The following DYTN variants were observed in gnomAD, a reference collection of about 807,000 sequenced individuals.
DYTN encodes the protein dystrotelin.
In DYTN, 75 loss-of-function variants were observed where a neutral mutation model predicts 69.6. The observed-to-expected ratio is 1.08, with a 90% confidence interval of 0.89 to 1.31. DYTN has a LOEUF of 1.31. DYTN is among the 50% of genes most tolerant of loss of function. The pLI, the probability that DYTN is intolerant of heterozygous loss-of-function variation, is 0.00. For missense variants in DYTN, 726 were observed against 688.4 expected (o/e 1.05, Z -0.61); for synonymous variants, 252 against 249.1 (o/e 1.01, Z -0.11).
At chr2:206,699,669 TC>T in intron 7 of DYTN, 57 bp downstream of exon 7, 1 of 1,536,824 alleles carries the variant, frequency 6.5e-7, no homozygotes, top group Non-Finnish European at 8.7e-7. Flanking sequence ...GGGATGCAGC[TC>T]CAACTGTAGA....
chr2:206,682,457 A>G (rs1264247491), intron 9 of DYTN, among the ~76,000 whole-genome samples: 1 of 151,738 alleles, frequency 6.6e-6, no homozygotes, highest in Non-Finnish European at 1.5e-5. Context: ...AGGATTCCTC[A>G]CTTTCTTGGT....
rs576403875 is a variant in DYTN at position 206,683,040 on chromosome 2, C to T, written c.980+10135G>A. ...GGCTAAAAGATCACATAATCCCCTA[C>T]ACCAGGAAAAAAAGTAAAGCTAGAC... On this transcript the variant is annotated intron_variant, in intron 9 of 11. Transcript: ENST00000452335. Among the ~76,000 whole-genome samples, 171 of 152,162 alleles carry T rather than the reference C, an allele frequency of 1.1e-3. 1 individual carries two copies. The highest frequency in any genetic ancestry group is 2.0e-3 in the Non-Finnish European group (134 of 67,996).
At chr2:206,708,339 G>C (rs1385634509) in intron 2 of DYTN, among the ~76,000 whole-genome samples, 1 of 152,252 alleles carries the variant, frequency 6.6e-6, no homozygotes, top group East Asian at 1.9e-4. Context: ...TATCAAGAGC[G>C]CCAAGAGCTC....
At chr2:206,660,448 C>A (rs1387265455) in intron 11 of DYTN, among the ~76,000 whole-genome samples, 2 of 151,846 alleles carry the variant, frequency 1.3e-5, no homozygotes, top group African/African-American at 4.8e-5. Flanking sequence ...TGACCCAACA[C>A]AATATTTTAG....
chr2:206,695,203 C>T (rs13002908), intron 7 of DYTN, among the ~76,000 whole-genome samples: 10,147 of 152,244 alleles, frequency 0.067, 454 homozygotes, highest in Non-Finnish European at 0.089. Flanking sequence ...TAGGATAAAC[C>T]CTTAAATCTG....
intron 4 of DYTN, among the ~76,000 whole-genome samples, chr2:206,705,242 G>A (rs984309966): frequency 2.0e-5 from 3 of 152,154 alleles, no homozygotes; most frequent in South Asian, 4.2e-4. Context: ...GATTACAGGC[G>A]TGTGCCACCA....
intron 2 of DYTN, among the ~76,000 whole-genome samples, chr2:206,708,686 C>T (rs1700050114): frequency 6.6e-6 from 1 of 152,178 alleles, no homozygotes; most frequent in African/African-American, 2.4e-5. Context: ...AATCTCACCA[C>T]AAGATTTATA....
rs939900905 is a variant in DYTN, at chr2:206,665,921, G to A, written c.1089C>T (p.Thr363=). The stretch of plus-strand genomic sequence containing the variant: ...GCTTGGTCCATAGACTATCCTGGTT[G>A]GTTTTGAGTTTGTGAATCCTTGTTT... ...RFETRIHKLK[T]NQDSLWTKLQ... Residue 363 remains threonine (T), a synonymous_variant, in exon 10 of 12, where the codon ACC becomes ACT. Coordinates refer to ENST00000452335, the MANE Select transcript of DYTN (RefSeq NM_001093730.1). The A allele has an allele frequency of 6.2e-7, 1 of 1,613,894 alleles. No individual in the cohort carries two copies. Among genetic ancestry groups the A allele is most frequent in the East Asian group, 2.2e-5 (1 of 44,880 alleles).
chr2:206,663,474 C>A, intron 10 of DYTN, 79 bp from the exon 11 acceptor site: 1 of 1,413,764 alleles, frequency 7.1e-7, no homozygotes. Flanking sequence ...TTCAACATTC[C>A]AACAGAACAT....
intron 2 of DYTN, 46 bp from the exon 3 acceptor site, chr2:206,707,549 C>A (rs1245814680): frequency 2.6e-6 from 4 of 1,530,872 alleles, no homozygotes; most frequent in East Asian, 4.8e-5. Flanking sequence ...CTGATGGGAA[C>A]AAAAGGCTTC....
Position 206,663,174 on chromosome 2 carries a change from T to C in DYTN, c.1362A>G (p.Glu454=). Reference sequence around the variant, plus strand: ...TGCTGTGCAAAGTGGTCTCTGGTGATTCTGGATTTCGCAGAGCATGCTCTG... The same window carrying C: ...TGCTGTGCAAAGTGGTCTCTGGTGACTCTGGATTTCGCAGAGCATGCTCTG... ...TNAEHALRNP[E]SPETTLHSTR... The change falls in exon 11 of 12, where the codon GAA becomes GAG. Residue 454 remains glutamate (E), a synonymous_variant. Coordinates refer to ENST00000452335, the MANE Select transcript of DYTN (RefSeq NM_001093730.1). 1 of 1,613,948 alleles carries C rather than the reference T, an allele frequency of 6.2e-7. No homozygotes were observed. Among genetic ancestry groups the C allele is most frequent in the Non-Finnish European group, 8.5e-7 (1 of 1,179,868 alleles).
In DYTN at chr2:206,699,835, G is replaced by A. The variant is rs753010908; in HGVS notation, c.611C>T (p.Pro204Leu). 25 of 1,613,744 alleles carry A rather than the reference G, an allele frequency of 1.5e-5. No individual in the cohort carries two copies. Among genetic ancestry groups the A allele is most frequent in the Non-Finnish European group, 2.0e-5 (24 of 1,179,850 alleles). ...EKFLSWVQSEPPILLWLPTCH... is the reference protein window; with the variant it reads ...EKFLSWVQSELPILLWLPTCH... ...GGTCGGGAGCCACAGGAGGATGGGA[G>A]GCTCAGATTGGACCCAAGACAGGAA... is the stretch of plus-strand genomic sequence containing the variant. The change falls in exon 7 of 12, where the codon CCT becomes CTT. Residue 204 changes from proline (P) to leucine (L), a missense_variant. Coordinates refer to ENST00000452335, the MANE Select transcript of DYTN (RefSeq NM_001093730.1).
At chr2:206,659,229 G>A (rs934241614) in intron 11 of DYTN, among the ~76,000 whole-genome samples, 3 of 145,290 alleles carry the variant, frequency 2.1e-5, no homozygotes, top group South Asian at 2.2e-4. Context: ...TGGAGTGCAC[G>A]GGCGCGATCT....
At chr2:206,717,663 A>T (rs1261145793) in intron 1 of DYTN, among the ~76,000 whole-genome samples, 3 of 152,224 alleles carry the variant, frequency 2.0e-5, no homozygotes, top group Non-Finnish European at 4.4e-5. Flanking sequence ...ACAACTAGGG[A>T]TCATACAGAA....
chr2:206,713,235 T>C (rs1466346041), intron 1 of DYTN, among the ~76,000 whole-genome samples: 2 of 152,226 alleles, frequency 1.3e-5, no homozygotes, highest in Non-Finnish European at 2.9e-5. Flanking sequence ...CATATTTATT[T>C]TTTGTGGTAA....
At chr2:206,655,020 T>C (rs2105885526) in intron 11 of DYTN, among the ~76,000 whole-genome samples, 1 of 152,312 alleles carries the variant, frequency 6.6e-6, no homozygotes, top group South Asian at 2.1e-4. Flanking sequence ...GTTGAATAGA[T>C]GTAGTGAAAA....
Position 206,707,482 on chromosome 2 carries a change from A to G in DYTN, c.116T>C (p.Leu39Pro). ...TGGACGCAGTAGGACCTGCTGAATCAGGGAGCTGTCAATCAAGTCCACTGT... is the reference window on the plus strand; with the variant it reads ...TGGACGCAGTAGGACCTGCTGAATCGGGGAGCTGTCAATCAAGTCCACTGT... ...LCQLDLIDSS[L>P]IQQVLLRPSF... is the part of the protein sequence containing the mutation. The change falls in exon 3 of 12, where the codon CTG (leucine) becomes CCG (proline). Residue 39 changes from leucine (L) to proline (P), a missense_variant. Coordinates refer to ENST00000452335, the MANE Select transcript of DYTN (RefSeq NM_001093730.1). 1 of 1,610,494 alleles carries G rather than the reference A, an allele frequency of 6.2e-7. No homozygotes were observed. Among genetic ancestry groups the G allele is most frequent in the South Asian group, 1.1e-5 (1 of 89,924 alleles).
chr2:206,716,805 G>A (rs1021421458), intron 1 of DYTN, among the ~76,000 whole-genome samples: 2 of 152,064 alleles, frequency 1.3e-5, no homozygotes, highest in Non-Finnish European at 2.9e-5. Context: ...GCAGACAAGG[G>A]GCTCTGCAAG....
Position 206,658,428 on chromosome 2 carries a change from T to C in DYTN, c.1633+4475A>G, listed in dbSNP as rs145034572. ...TTTAGTATCTGTGCAATAGAAAAAATAACTATCTCTCTTAGTCTTCAAGAC... is the reference window on the plus strand; with the variant it reads ...TTTAGTATCTGTGCAATAGAAAAAACAACTATCTCTCTTAGTCTTCAAGAC... On this transcript the variant is annotated intron_variant, in intron 11 of 11. Coordinates refer to ENST00000452335, the MANE Select transcript of DYTN (RefSeq NM_001093730.1). Among the ~76,000 whole-genome samples, 7 of 151,954 alleles carry C rather than the reference T, an allele frequency of 4.6e-5. No individual in the cohort carries two copies. In the East Asian group the frequency reaches 1.2e-3, roughly 25 times the overall value.
Sources: allele counts gnomAD v4.1 joint callset (sites outside exome capture counted in the v4.1 genomes callset), GRCh38; gene constraint gnomAD v4.1.1; transcripts MANE v1.5; gene names NCBI Gene and HGNC (gene_info 2026-07-23, HGNC 2026-07-21).